The following KIF13B variants were observed in gnomAD, a reference collection of about 807,000 sequenced individuals.
The protein encoded by KIF13B is kinesin-like protein KIF13B.
KIF13B carries 127 observed loss-of-function variants against 222.0 expected under a neutral mutation model. That is an observed-to-expected ratio of 0.57 (90% confidence interval 0.50 to 0.66). KIF13B has a LOEUF of 0.66. KIF13B is among the 30% of genes least tolerant of loss of function. The probability of loss-of-function intolerance (pLI) is 0.00; values close to 1 mark genes in which losing one functional copy is unlikely to be tolerated. For synonymous variants in KIF13B, 976 were observed against 919.0 expected (o/e 1.06, Z -1.12); for missense variants, 2,173 against 2,379.0 (o/e 0.91, Z 1.80).
intron 2 of KIF13B, among the ~76,000 whole-genome samples, chr8:29,209,537 CCTT>C (rs1433666227): frequency 6.6e-6 from 1 of 152,130 alleles, no homozygotes; most frequent in African/African-American, 2.4e-5. Flanking sequence ...TTTAATTACT[CCTT>C]GAGTTCATCT....
rs1807149108 is a variant in KIF13B at position 29,069,478 on chromosome 8, C to T, written c.*1026G>A. Reference sequence around the variant, plus strand: ...AAGTGCACCAAATAAAGTAGCAATGCCTCTTCCTTTGTCACCGACTACAGA... The same window carrying T: ...AAGTGCACCAAATAAAGTAGCAATGTCTCTTCCTTTGTCACCGACTACAGA... On this transcript the variant is annotated 3_prime_UTR_variant, in exon 40 of 40. Coordinates refer to ENST00000524189, the MANE Select transcript of KIF13B (RefSeq NM_015254.4). The T allele has an allele frequency of 6.6e-6, 1 of 152,318 alleles. No homozygotes were observed. The highest frequency in any genetic ancestry group is 2.4e-5 in the African/African-American group (1 of 41,472). The allele number at this position is 152,318 out of a possible 1,614,324, so 9.4% of individuals were successfully genotyped here. A position where few individuals can be genotyped will look rare whatever the true frequency, so the allele number is the denominator to read the frequency against.
In KIF13B at chr8:29,130,523, A is replaced by G; in HGVS notation, c.3075+10T>C. 2 of 1,613,626 alleles carry G rather than the reference A, an allele frequency of 1.2e-6. No individual in the cohort carries two copies. Among genetic ancestry groups the G allele is most frequent in the East Asian group, 2.2e-5 (1 of 44,862 alleles). Reference sequence around the variant, plus strand: ...AAAGAATCTAATGTAAACATTCACAATCTTGTTACCTGCCGGAGCTGGAAG... The same window carrying G: ...AAAGAATCTAATGTAAACATTCACAGTCTTGTTACCTGCCGGAGCTGGAAG... On this transcript the variant is annotated intron_variant, in intron 24 of 39. Coordinates refer to ENST00000524189, the MANE Select transcript of KIF13B (RefSeq NM_015254.4).
chr8:29,253,360 A>G (rs1816352348), intron 1 of KIF13B, among the ~76,000 whole-genome samples: 2 of 151,910 alleles, frequency 1.3e-5, no homozygotes, highest in South Asian at 4.2e-4. Flanking sequence ...CAAATAAAAT[A>G]ATCCTATGTG....
intron 4 of KIF13B, among the ~76,000 whole-genome samples, chr8:29,189,076 G>A (rs551604952): frequency 6.6e-6 from 1 of 152,078 alleles, no homozygotes; most frequent in Non-Finnish European, 1.5e-5. Context: ...TTAGGACAGG[G>A]AGTCAGAGCC....
rs577152092 is a variant in KIF13B at position 29,124,460 on chromosome 8, C to T, written c.3253-337G>A. Among the ~76,000 whole-genome samples the T allele has an allele frequency of 8.5e-5, 13 of 152,218 alleles. No individual in the cohort carries two copies. In the East Asian group the frequency reaches 2.1e-3, roughly 25 times the overall value. ...CGATAAACAGGACTCAATAATCTTC[C>T]AATATGGCTGGGCGTGGTGGCTCAC... On this transcript the variant is annotated intron_variant, in intron 26 of 39. Coordinates refer to ENST00000524189, the MANE Select transcript of KIF13B (RefSeq NM_015254.4).
intron 3 of KIF13B, 83 bp from the exon 4 acceptor site, chr8:29,191,140 T>G (rs1353904228): frequency 4.8e-6 from 5 of 1,036,368 alleles, no homozygotes; most frequent in Non-Finnish European, 7.1e-6. Flanking sequence ...TTCATAATAG[T>G]GAAATAAAAC....
rs576289699 is a variant in KIF13B, at chr8:29,199,110, G to A, written c.150-2911C>T. Among the ~76,000 whole-genome samples, 60 of 143,064 alleles carry A rather than the reference G, an allele frequency of 4.2e-4. No individual in the cohort carries two copies. The East Asian group carries it at 6.2e-3, about 15-fold the overall frequency. The allele number at this position is 143,064 out of a possible 152,430, so 93.9% of individuals were successfully genotyped here. A position where few individuals can be genotyped will look rare whatever the true frequency, so the allele number is the denominator to read the frequency against. On this transcript the variant is annotated intron_variant, in intron 2 of 39. Coordinates refer to ENST00000524189, the MANE Select transcript of KIF13B (RefSeq NM_015254.4). ...TTTTAAAAAATAGAAAAATGTTTTC[G>A]AAAATTAAAAAAAAAAGACTTCTGA...
intron 35 of KIF13B, among the ~76,000 whole-genome samples, chr8:29,103,530 A>AT (rs201108887): frequency 0.014 from 2,113 of 152,302 alleles, 21 homozygotes; most frequent in Non-Finnish European, 0.021. Context: ...CATATTTTAT[A>AT]TTTTTAATTG....
intron 22 of KIF13B, among the ~76,000 whole-genome samples, 186 bp downstream of exon 22, chr8:29,133,854 G>A (rs886447855): frequency 3.3e-5 from 5 of 152,168 alleles, no homozygotes; most frequent in African/African-American, 1.2e-4. Context: ...TGTTTCTCAT[G>A]CAAAAGTTAC....
chr8:29,113,174 G>A (rs142530674), intron 32 of KIF13B, among the ~76,000 whole-genome samples: 2 of 152,316 alleles, frequency 1.3e-5, no homozygotes, highest in East Asian at 1.9e-4. Context: ...TCTATGCTAC[G>A]CTGCCTCCCT....
At chr8:29,119,949 C>G (rs1809779462) in intron 29 of KIF13B, among the ~76,000 whole-genome samples, 1 of 152,224 alleles carries the variant, frequency 6.6e-6, no homozygotes, top group South Asian at 2.1e-4. Flanking sequence ...AGGACATCCA[C>G]ACTCATCTAT....
intron 18 of KIF13B, among the ~76,000 whole-genome samples, chr8:29,143,885 A>G (rs1455649196): frequency 6.6e-6 from 1 of 151,916 alleles, no homozygotes; most frequent in Non-Finnish European, 1.5e-5. Flanking sequence ...GTAATGTTCT[A>G]TTATGCAAGT....
intron 2 of KIF13B, among the ~76,000 whole-genome samples, chr8:29,211,248 T>G (rs901245781): frequency 3.3e-4 from 50 of 152,302 alleles, no homozygotes; most frequent in African/African-American, 1.2e-3. Flanking sequence ...TTACCATAGA[T>G]GTGAAGCCCC....
Position 29,186,283 on chromosome 8 carries a change from GTC to G in KIF13B, c.497+7_497+8del. 1 of 1,601,156 alleles carries G rather than the reference GTC, an allele frequency of 6.2e-7. No homozygotes were observed. The highest frequency in any genetic ancestry group is 8.5e-7 in the Non-Finnish European group (1 of 1,173,470). Reference sequence around the variant, plus strand: ...AATGCTGAAACACTAAAGTCTCAAAGTCCTTTACCCTTTGGGATCAAGAAGGT... The same window carrying G: ...AATGCTGAAACACTAAAGTCTCAAAGCTTTACCCTTTGGGATCAAGAAGGT... On this transcript the variant is annotated splice_region_variant and intron_variant, in intron 6 of 39. Coordinates refer to ENST00000524189, the MANE Select transcript of KIF13B (RefSeq NM_015254.4).
intron 3 of KIF13B, 135 bp downstream of exon 3, chr8:29,196,052 G>T: frequency 2.6e-6 from 2 of 780,380 alleles, no homozygotes; most frequent in Non-Finnish European, 4.1e-6. Context: ...TCAGATTTGT[G>T]AGTAGGCTGA....
chr8:29,085,705 C>CCTTT (rs1243079346), intron 37 of KIF13B, among the ~76,000 whole-genome samples: 808 of 48,778 alleles, frequency 0.017, 20 homozygotes, highest in African/African-American at 0.059. Context: ...AAATACTCTT[C>CCTTT]TTTTTTTTTT....
At chr8:29,128,227 G>A (rs1272428385) in intron 24 of KIF13B, among the ~76,000 whole-genome samples, 1 of 151,704 alleles carries the variant, frequency 6.6e-6, no homozygotes, top group African/African-American at 2.4e-5. Flanking sequence ...TATTTACAAT[G>A]AAGTAATATT....
intron 4 of KIF13B, chr8:29,189,480 G>A (rs1165471719): frequency 6.6e-6 from 1 of 152,160 alleles, no homozygotes; most frequent in African/African-American, 2.4e-5. Context: ...GGCAATCAAA[G>A]GCTGTCACTG....
chr8:29,110,093 T>C, intron 32 of KIF13B, 23 bp from the exon 33 acceptor site: 1 of 1,549,222 alleles, frequency 6.5e-7, no homozygotes, highest in South Asian at 1.2e-5. Context: ...AAGTTATACA[T>C]TATAAAAGCT....
Sources: allele counts gnomAD v4.1 joint callset (sites outside exome capture counted in the v4.1 genomes callset), GRCh38; gene constraint gnomAD v4.1.1; transcripts MANE v1.5; gene names NCBI Gene and HGNC (gene_info 2026-07-23, HGNC 2026-07-21).